The following PTPRM variants were observed in gnomAD, a reference collection of about 807,000 sequenced individuals.
The protein encoded by PTPRM is protein tyrosine phosphatase receptor type M, also known as receptor-type tyrosine-protein phosphatase mu.
In PTPRM, 47 loss-of-function variants were observed where a neutral mutation model predicts 186.7. The observed-to-expected ratio is 0.25, with a 90% CI of 0.20 to 0.32. The LOEUF is 0.32. PTPRM is among the 10% of genes least tolerant of loss of function. The pLI is 1.00. For missense variants in PTPRM, 1,494 were observed against 1,865.0 expected, an observed-to-expected ratio of 0.80 and a Z score of 3.66; for synonymous variants, 668 against 674.9, an observed-to-expected ratio of 0.99 and a Z score of 0.16.
chr18:7,961,644 T>C (rs2053688373), intron 7 of PTPRM, among the ~76,000 whole-genome samples: 1 of 152,202 alleles, frequency 6.6e-6, no homozygotes, highest in Admixed American at 6.5e-5. Context: ...TGATCAGTTA[T>C]CCTAGAAATG....
intron 1 of PTPRM, among the ~76,000 whole-genome samples, chr18:7,603,736 TC>T (rs770938239): frequency 6.6e-6 from 1 of 152,208 alleles, no homozygotes; most frequent in Non-Finnish European, 1.5e-5. Context: ...GTGATTTTTA[TC>T]CTTTCAGGGA....
chr18:7,830,291 A>T (rs911467118), intron 2 of PTPRM, among the ~76,000 whole-genome samples: 14 of 152,146 alleles, frequency 9.2e-5, no homozygotes, highest in Non-Finnish European at 1.6e-4. Flanking sequence ...TCCCCCAGCC[A>T]TGTGACTGGT....
At chr18:7,951,279 TATC>T (rs1568063861) in intron 6 of PTPRM, among the ~76,000 whole-genome samples, 1 of 152,214 alleles carries the variant, frequency 6.6e-6, no homozygotes, top group African/African-American at 2.4e-5. Context: ...AGTTCATCAT[TATC>T]ATCATCATTA....
chr18:8,257,392 A>G (rs1020211295), intron 19 of PTPRM, among the ~76,000 whole-genome samples: 1 of 152,210 alleles, frequency 6.6e-6, no homozygotes, highest in African/African-American at 2.4e-5. Flanking sequence ...TAGAAGTAGT[A>G]AAAGAGAAGA....
chr18:8,029,805 T>C (rs1402683767), intron 7 of PTPRM, among the ~76,000 whole-genome samples: 2 of 152,188 alleles, frequency 1.3e-5, no homozygotes, highest in East Asian at 3.9e-4. Flanking sequence ...CTGGCTAAAT[T>C]GAGTGTTTTC....
chr18:8,314,986 A>T (rs1793621687), intron 21 of PTPRM, 129 bp downstream of exon 21: 1 of 564,908 alleles, frequency 1.8e-6, no homozygotes, highest in African/African-American at 1.9e-5. Flanking sequence ...AAACCCAACC[A>T]TTCTGACATG....
At chr18:7,660,205 G>A (rs970303810) in intron 1 of PTPRM, among the ~76,000 whole-genome samples, 3 of 152,002 alleles carry the variant, frequency 2.0e-5, no homozygotes, top group African/African-American at 4.8e-5. Context: ...GCATGGTGGC[G>A]CATGCCTGTA....
intron 1 of PTPRM, among the ~76,000 whole-genome samples, chr18:7,647,495 G>A (rs146042400): frequency 9.8e-5 from 15 of 152,330 alleles, no homozygotes; most frequent in African/African-American, 3.6e-4. Context: ...CATGGGCAGT[G>A]AGAGGGAATA....
chr18:7,700,320 G>T (rs1429217731), intron 1 of PTPRM, among the ~76,000 whole-genome samples: 5 of 152,136 alleles, frequency 3.3e-5, no homozygotes, highest in Admixed American at 2.6e-4. Flanking sequence ...TTTGTGTGCT[G>T]GGGGGTTTTA....
intron 7 of PTPRM, among the ~76,000 whole-genome samples, chr18:8,018,929 A>T (rs1372054105): frequency 6.6e-6 from 1 of 152,198 alleles, no homozygotes; most frequent in Non-Finnish European, 1.5e-5. Flanking sequence ...GCTGCCACAC[A>T]CTTGCTGACA....
At chr18:8,100,948 C>T (rs975820972) in intron 11 of PTPRM, among the ~76,000 whole-genome samples, 7 of 152,180 alleles carry the variant, frequency 4.6e-5, no homozygotes, top group Non-Finnish European at 7.3e-5. Context: ...TATGTTTTAA[C>T]AGTCACTGAT....
chr18:8,194,286 G>A (rs776255195), intron 14 of PTPRM, among the ~76,000 whole-genome samples: 3 of 152,182 alleles, frequency 2.0e-5, no homozygotes, highest in Non-Finnish European at 4.4e-5. Flanking sequence ...TAATGGTTTT[G>A]TAGTAAATGT....
At chr18:8,263,446 T>A (rs547307935) in intron 19 of PTPRM, among the ~76,000 whole-genome samples, 73 of 152,208 alleles carry the variant, frequency 4.8e-4, no homozygotes, top group Non-Finnish European at 5.9e-4. Context: ...GCTTTACATT[T>A]CTTATTTAAC....
chr18:7,626,033 T>G (rs1320133163), intron 1 of PTPRM, among the ~76,000 whole-genome samples: 3 of 152,176 alleles, frequency 2.0e-5, no homozygotes, highest in African/African-American at 7.2e-5. Flanking sequence ...AGAAAATACT[T>G]CCTACTGTGA....
chr18:8,032,542 G>A (rs2086049397), intron 7 of PTPRM, among the ~76,000 whole-genome samples: 1 of 152,032 alleles, frequency 6.6e-6, no homozygotes, highest in Non-Finnish European at 1.5e-5. Flanking sequence ...TCTCCCAAGA[G>A]TAATCTACAA....
In PTPRM at chr18:7,677,584, G is replaced by A. The variant is rs144011425; in HGVS notation, c.74-96565G>A. Among the ~76,000 whole-genome samples, 55 of 152,240 alleles carry A rather than the reference G, an allele frequency of 3.6e-4. 1 individual carries two copies. In the East Asian group the frequency reaches 8.3e-3, roughly 23 times the overall value. ...ACCCAAGACTGAGTTCTTGGTACAC[G>A]TGGCTGGGCAAATTCTTGGAACAGG... On this transcript the variant is annotated intron_variant, in intron 1 of 32. Transcript: ENST00000580170.
At chr18:7,782,473 AG>A (rs1372764793) in intron 2 of PTPRM, among the ~76,000 whole-genome samples, 4 of 152,240 alleles carry the variant, frequency 2.6e-5, no homozygotes, top group Non-Finnish European at 5.9e-5. Context: ...ACCATTTTTA[AG>A]TGTACAGTTC....
At chr18:7,765,623 C>G (rs2041980941) in intron 1 of PTPRM, among the ~76,000 whole-genome samples, 1 of 151,956 alleles carries the variant, frequency 6.6e-6, no homozygotes, top group Non-Finnish European at 1.5e-5. Context: ...TAGTTTATAG[C>G]CATTTATTCT....
chr18:7,823,003 C>A (rs1215721879), intron 2 of PTPRM, among the ~76,000 whole-genome samples: 1 of 152,298 alleles, frequency 6.6e-6, no homozygotes, highest in East Asian at 1.9e-4. Flanking sequence ...TAGATGTACA[C>A]CCCTCTTGGC....
Sources: gnomAD v4.1 joint callset for allele counts (sites outside exome capture counted in the v4.1 genomes callset) on GRCh38, gnomAD v4.1.1 for gene constraint, MANE v1.5 for transcripts, NCBI Gene and HGNC (gene_info 2026-07-23, HGNC 2026-07-21) for gene names.